AGBL1: variants seen among roughly 807,000 people sequenced by gnomAD.
AGBL1 encodes AGBL carboxypeptidase 1.
AGBL1 carries 130 observed loss-of-function variants against 118.9 expected under a neutral mutation model. The observed-to-expected ratio is 1.09, with a 90% CI of 0.95 to 1.26. AGBL1 has a LOEUF of 1.26. Ranked by LOEUF, AGBL1 falls within the 50% of genes most tolerant of loss-of-function variation. The pLI, the probability that AGBL1 is intolerant of heterozygous loss-of-function variation, is 0.00. For missense variants in AGBL1, 1,584 were observed against 1,298.1 expected, an observed-to-expected ratio of 1.22 and a Z score of -3.38; for synonymous variants, 555 against 478.9, an observed-to-expected ratio of 1.16 and a Z score of -2.08.
At chr15:86,769,874 C>A (rs1297160598) in intron 22 of AGBL1, among the ~76,000 whole-genome samples, 1 of 151,888 alleles carries the variant, frequency 6.6e-6, no homozygotes, top group Non-Finnish European at 1.5e-5. Context: ...GGGAGAGCTT[C>A]CGAGAAAGGC....
At chr15:86,824,139 C>A (rs760792245) in intron 22 of AGBL1, among the ~76,000 whole-genome samples, 1 of 151,876 alleles carries the variant, frequency 6.6e-6, no homozygotes. Context: ...AAATCAAATC[C>A]TCCCTATTTG....
At chr15:86,469,572 A>T (rs1359579209) in intron 18 of AGBL1, among the ~76,000 whole-genome samples, 1 of 152,086 alleles carries the variant, frequency 6.6e-6, no homozygotes, top group East Asian at 1.9e-4. Flanking sequence ...GGACATACTG[A>T]TGTCATTTCT....
Position 86,279,536 on chromosome 15 carries a change from A to G in AGBL1, c.2076-103A>G, listed in dbSNP as rs149741030. On this transcript the variant is annotated intron_variant, in intron 15 of 22. Coordinates refer to ENST00000614907, the MANE Select transcript of AGBL1 (RefSeq NM_001386094.1). ...CAAGTGAAGGCCATTGTGCCAGGAC[A>G]GTATATAACGCACAAGATTTATAGC... The G allele has an allele frequency of 7.8e-5, 86 of 1,108,566 alleles. No homozygotes were observed. In the African/African-American group the frequency reaches 9.3e-4, roughly 12 times the overall value. The allele number at this position is 1,108,566 out of a possible 1,614,324, so 68.7% of individuals were successfully genotyped here. A position where few individuals can be genotyped will look rare whatever the true frequency, so the allele number is the denominator to read the frequency against.
At chr15:86,141,888 G>C in intron 1 of AGBL1, 116 bp from the exon 2 acceptor site, 1 of 1,043,676 alleles carries the variant, frequency 9.6e-7, no homozygotes. Context: ...TCCTTTCGCT[G>C]TAGTTAATCT....
chr15:86,772,503 A>G (rs1017856698), intron 22 of AGBL1, among the ~76,000 whole-genome samples: 7 of 152,116 alleles, frequency 4.6e-5, no homozygotes, highest in Admixed American at 2.0e-4. Flanking sequence ...AGCTCTGGAC[A>G]GGAGAGAAAC....
At chr15:86,357,684 T>G (rs1054927688) in intron 17 of AGBL1, among the ~76,000 whole-genome samples, 1 of 152,178 alleles carries the variant, frequency 6.6e-6, no homozygotes, top group Non-Finnish European at 1.5e-5. Context: ...CAGGGCACTT[T>G]CTTTGCTTTA....
intron 24 of AGBL1, among the ~76,000 whole-genome samples, chr15:86,989,767 A>G (rs1225853206): frequency 1.3e-5 from 2 of 152,234 alleles, no homozygotes; most frequent in African/African-American, 2.4e-5. Context: ...GATGTTTAAG[A>G]ATTTTCTATC....
At chr15:86,839,136 A>C (rs1298104027) in intron 22 of AGBL1, among the ~76,000 whole-genome samples, 2 of 152,042 alleles carry the variant, frequency 1.3e-5, no homozygotes, top group Admixed American at 1.3e-4. Flanking sequence ...AGAAGATTAC[A>C]TTGTTGACAG....
intron 18 of AGBL1, among the ~76,000 whole-genome samples, chr15:86,496,093 G>C (rs1596189693): frequency 6.6e-6 from 1 of 151,810 alleles, no homozygotes; most frequent in Non-Finnish European, 1.5e-5. Context: ...TATAATCCCG[G>C]CATGTTGAGG....
chr15:86,140,299 C>G (rs1364876531), intron 1 of AGBL1: 2 of 150,578 alleles, frequency 1.3e-5, no homozygotes, highest in Non-Finnish European at 3.0e-5. Flanking sequence ...GCAGGTGGCC[C>G]TGGCTGGGAT....
At chr15:86,764,247 C>A (rs1271419166) in intron 22 of AGBL1, among the ~76,000 whole-genome samples, 1 of 151,866 alleles carries the variant, frequency 6.6e-6, no homozygotes, top group Non-Finnish European at 1.5e-5. Context: ...GAGAAAGAAG[C>A]AAGATAATAC....
chr15:87,006,675 G>A lies in AGBL1; in HGVS notation c.3323+18587G>A, dbSNP rs544108469. Reference sequence around the variant, plus strand: ...AATGCCTCACCCTGCTTTGGCTCATGCTTTGTGCACTGCACCCACTGTCCA... The same window carrying A: ...AATGCCTCACCCTGCTTTGGCTCATACTTTGTGCACTGCACCCACTGTCCA... On this transcript the variant is annotated intron_variant, in intron 24 of 24. Transcript: ENST00000441037. 9.2e-5 allele frequency among the ~76,000 whole-genome samples: 14 copies of A among 152,244 alleles called. No homozygotes were observed. In the East Asian group the frequency reaches 1.2e-3, roughly 13 times the overall value.
At chr15:86,471,566 T>C (rs1439136910) in intron 18 of AGBL1, among the ~76,000 whole-genome samples, 1 of 151,626 alleles carries the variant, frequency 6.6e-6, no homozygotes, top group African/African-American at 2.4e-5. Context: ...CCTCGTAAAA[T>C]GAATTTGGAA....
intron 23 of AGBL1, chr15:86,987,963 C>A: frequency 6.2e-7 from 1 of 1,607,350 alleles, no homozygotes; most frequent in Non-Finnish European, 8.5e-7. Context: ...CAATCTGTAC[C>A]ACTCATTTAT....
chr15:86,139,261 C>T (rs1183283079), intron 1 of AGBL1, among the ~76,000 whole-genome samples: 1 of 152,088 alleles, frequency 6.6e-6, no homozygotes, highest in Non-Finnish European at 1.5e-5. Flanking sequence ...CTAGGAGACT[C>T]AGGAAGTCCA....
intron 18 of AGBL1, among the ~76,000 whole-genome samples, chr15:86,512,875 A>G (rs1467303933): frequency 6.6e-6 from 1 of 151,532 alleles, no homozygotes; most frequent in Non-Finnish European, 1.5e-5. Context: ...ACCATTTATT[A>G]TCACCTAATT....
chr15:86,653,238 C>G (rs1399765495), intron 21 of AGBL1, among the ~76,000 whole-genome samples: 1 of 152,060 alleles, frequency 6.6e-6, no homozygotes, highest in Non-Finnish European at 1.5e-5. Flanking sequence ...TTAGCCCTGG[C>G]TTGCCAAGCT....
intron 22 of AGBL1, among the ~76,000 whole-genome samples, chr15:86,765,191 T>C (rs1485952241): frequency 1.3e-5 from 2 of 152,022 alleles, no homozygotes; most frequent in East Asian, 1.9e-4. Context: ...CCCTGACTTG[T>C]ATTTTTATGA....
At chr15:86,774,166 G>A (rs1039794514) in intron 22 of AGBL1, among the ~76,000 whole-genome samples, 2 of 152,032 alleles carry the variant, frequency 1.3e-5, no homozygotes, top group Admixed American at 6.6e-5. Flanking sequence ...AGAGAAGACC[G>A]GGAACCTGAG....
Sources: gnomAD v4.1 joint callset for allele counts (sites outside exome capture counted in the v4.1 genomes callset) on GRCh38, gnomAD v4.1.1 for gene constraint, MANE v1.5 for transcripts, NCBI Gene and HGNC (gene_info 2026-07-23, HGNC 2026-07-21) for gene names.